CMAS: variants seen among roughly 807,000 people sequenced by gnomAD.
CMAS encodes the protein N-acylneuraminate cytidylyltransferase.
Under a neutral mutation model 53.4 loss-of-function variants are expected in CMAS, and 21 were observed. The ratio of observed to expected loss-of-function variants is 0.39; its 90% CI spans 0.28 to 0.57. The LOEUF (loss-of-function observed/expected upper bound fraction) is 0.57, where lower values mean the gene tolerates loss of function less well. CMAS is among the 20% of genes least tolerant of loss of function. CMAS has a pLI of 0.56. For missense variants in CMAS, 384 were observed against 534.9 expected (o/e 0.72, Z 2.78); for synonymous variants, 189 against 195.2 (o/e 0.97, Z 0.27).
chr12:22,055,756 C>T (rs1440400276), intron 3 of CMAS, 146 bp downstream of exon 3: 1 of 666,196 alleles, frequency 1.5e-6, no homozygotes, highest in African/African-American at 1.9e-5. Context: ...ATGACATTTA[C>T]AATCAGCTGT....
chr12:22,062,233 T>TTTAA (rs746216820), intron 6 of CMAS, 48 bp from the exon 7 acceptor site: 9 of 1,521,090 alleles, frequency 5.9e-6, no homozygotes, highest in East Asian at 2.3e-5. Flanking sequence ...TTCTTCACTT[T>TTTAA]TTAATTTTTC....
intron 3 of CMAS, among the ~76,000 whole-genome samples, chr12:22,056,103 A>C (rs1367511073): frequency 6.6e-6 from 1 of 152,142 alleles, no homozygotes; most frequent in Non-Finnish European, 1.5e-5. Flanking sequence ...TTATCCAGAG[A>C]ATTATTATAA....
intron 3 of CMAS, among the ~76,000 whole-genome samples, chr12:22,056,528 A>G (rs1950269418): frequency 6.6e-6 from 1 of 152,190 alleles, no homozygotes; most frequent in Non-Finnish European, 1.5e-5. Flanking sequence ...GTGTCTTATT[A>G]GGAGATACAT....
chr12:22,058,734 C>A (rs202103947), intron 4 of CMAS, 34 bp downstream of exon 4: 1 of 1,601,200 alleles, frequency 6.2e-7, no homozygotes, highest in Non-Finnish European at 8.5e-7. Context: ...CCCTTTTAAG[C>A]GCTTTTGTAG....
chr12:22,062,928 C>A (rs539475611), intron 7 of CMAS, among the ~76,000 whole-genome samples: 2 of 152,286 alleles, frequency 1.3e-5, no homozygotes, highest in South Asian at 2.1e-4. Context: ...GTTAAAAGAA[C>A]CCACTTAAAT....
In CMAS at chr12:22,064,148, C is replaced by CA. The variant is rs1205395392; in HGVS notation, c.1115-972dup. Among the ~76,000 whole-genome samples, 28 of 152,000 alleles carry CA rather than the reference C, an allele frequency of 1.8e-4. 1 individual carries two copies. The highest frequency in any genetic ancestry group is 1.6e-3 in the Admixed American group (25 of 15,256). On this transcript the variant is annotated intron_variant, in intron 7 of 7. Coordinates refer to ENST00000229329, the MANE Select transcript of CMAS (RefSeq NM_018686.6). Reference sequence around the variant, plus strand: ...AAATGAGAAAATTTCAGTAGATAAGCATAGAACAAATGTAAAAGAAACTCT... The same window carrying CA: ...AAATGAGAAAATTTCAGTAGATAAGCAATAGAACAAATGTAAAAGAAACTCT...
At chr12:22,062,567 T>C (rs1950315904) in intron 7 of CMAS, 133 bp downstream of exon 7, 3 of 880,658 alleles carry the variant, frequency 3.4e-6, no homozygotes, top group Non-Finnish European at 3.5e-6. Context: ...TAACAAACAC[T>C]GCTGATCAAA....
intron 6 of CMAS, among the ~76,000 whole-genome samples, chr12:22,061,816 G>T (rs980142326): frequency 2.6e-5 from 4 of 152,112 alleles, no homozygotes; most frequent in African/African-American, 4.8e-5. Flanking sequence ...TCTTATGAAT[G>T]ACATTTTTGA....
chr12:22,060,486 C>T (rs1274214114), intron 4 of CMAS, among the ~76,000 whole-genome samples: 1 of 151,292 alleles, frequency 6.6e-6, no homozygotes, highest in Admixed American at 6.6e-5. Context: ...CTTATATCTA[C>T]AAAAAACTTT....
chr12:22,065,521 A>C lies in CMAS; in HGVS notation c.*210A>C. 1 of 495,338 alleles carries C rather than the reference A, an allele frequency of 2.0e-6. No homozygotes were observed. Among genetic ancestry groups the C allele is most frequent in the Non-Finnish European group, 3.6e-6 (1 of 274,560 alleles). 30.7% of individuals were successfully genotyped at this position (495,338 alleles called of 1,614,324 possible). ...CTCAGATTTTTAGTAAATGCAAGTAAGAACATCATCAAAGTTCACTTTGTA... is the reference window on the plus strand; with the variant it reads ...CTCAGATTTTTAGTAAATGCAAGTACGAACATCATCAAAGTTCACTTTGTA... On this transcript the variant is annotated 3_prime_UTR_variant, in exon 8 of 8. Transcript: ENST00000229329.
intron 1 of CMAS, among the ~76,000 whole-genome samples, chr12:22,048,725 G>A (rs1385188490): frequency 6.6e-6 from 1 of 152,168 alleles, no homozygotes; most frequent in Non-Finnish European, 1.5e-5. Flanking sequence ...GAACATTCTA[G>A]GAAATAACTC....
chr12:22,056,157 G>A lies in CMAS; in HGVS notation c.559+547G>A, dbSNP rs7135019. Among the ~76,000 whole-genome samples the A allele has an allele frequency of 3.0e-3, 461 of 151,970 alleles. 20 individuals are homozygous for A. The highest frequency in any genetic ancestry group is 0.027 in the Admixed American group (407 of 15,270). On this transcript the variant is annotated intron_variant, in intron 3 of 7. Transcript: ENST00000229329. The stretch of plus-strand genomic sequence containing the variant: ...CAGTAATGTACATTTTAGTTGTTTC[G>A]TAGGGATTCCATTTTCTGTTGAAAT...
chr12:22,057,782 A>T (rs1157421934), intron 3 of CMAS, among the ~76,000 whole-genome samples: 3 of 152,142 alleles, frequency 2.0e-5, no homozygotes, highest in African/African-American at 7.2e-5. Flanking sequence ...GAAAGCAAAG[A>T]TAAATCATCA....
At position 22,061,321 on chromosome 12, in the gene CMAS, C is replaced by A; in HGVS notation, c.829C>A (p.Leu277Ile). Residue 277 changes from leucine (L) to isoleucine (I), a missense_variant, in exon 6 of 8, where the codon CTT (leucine) becomes ATT (isoleucine). Physicochemically the swap from Leu to Ile is conservative, Grantham distance 5. This residue lies in a region of CMAS where 139 missense variants were observed against 248.0 expected (regional missense o/e 0.56). Transcript: ENST00000229329. ...CAAAGAGAAGCTTAAGGAAATAAAACTTTTGGTTTGCAATATTGATGGATG... is the reference window on the plus strand; with the variant it reads ...CAAAGAGAAGCTTAAGGAAATAAAAATTTTGGTTTGCAATATTGATGGATG... The part of the protein sequence containing the change: ...FGKEKLKEIK[L>I]LVCNIDGCLT... The A allele has an allele frequency of 2.5e-6, 4 of 1,611,742 alleles. No homozygotes were observed. The highest frequency in any genetic ancestry group is 3.4e-6 in the Non-Finnish European group (4 of 1,179,156).
intron 4 of CMAS, among the ~76,000 whole-genome samples, chr12:22,059,039 T>C (rs959045802): frequency 2.0e-5 from 3 of 151,758 alleles, no homozygotes; most frequent in East Asian, 3.9e-4. Context: ...GGCTGTAGGG[T>C]TGAATAACTT....
intron 3 of CMAS, among the ~76,000 whole-genome samples, chr12:22,057,004 T>G (rs1224906716): frequency 6.6e-6 from 1 of 152,200 alleles, no homozygotes; most frequent in Non-Finnish European, 1.5e-5. Context: ...TAGAGAGAGT[T>G]CTGGTCACTA....
In CMAS at chr12:22,052,749, G is replaced by A. The variant is rs117548459; in HGVS notation, c.261-2400G>A. On this transcript the variant is annotated intron_variant, in intron 1 of 7. Transcript: ENST00000229329. ...TCAGATTTCAAGATGGAGGAAAATG[G>A]GGGCTCCTGCGTTCGCCCTGCATAG... Among the ~76,000 whole-genome samples the A allele has an allele frequency of 5.0e-3, 757 of 152,210 alleles. 19 individuals are homozygous for A. Among genetic ancestry groups the A allele is most frequent in the Admixed American group, 0.04 (608 of 15,282 alleles).
chr12:22,052,980 A>G (rs980272539), intron 1 of CMAS, among the ~76,000 whole-genome samples: 2 of 152,160 alleles, frequency 1.3e-5, no homozygotes, highest in East Asian at 3.8e-4. Flanking sequence ...CTTTCCACTC[A>G]TGATAATTGA....
chr12:22,054,842 A>G (rs1006355843), intron 1 of CMAS, among the ~76,000 whole-genome samples: 3 of 151,980 alleles, frequency 2.0e-5, no homozygotes, highest in Non-Finnish European at 4.4e-5. Context: ...TAAGCATAGT[A>G]CCTGATAGGT....
Sources: gnomAD v4.1 joint callset for allele counts (sites outside exome capture counted in the v4.1 genomes callset) on GRCh38, gnomAD v4.1.1 for gene constraint, gnomAD v4.1.1 regional missense constraint, MANE v1.5 for transcripts, NCBI Gene and HGNC (gene_info 2026-07-23, HGNC 2026-07-21) for gene names.